NSMCE2: variants seen among roughly 807,000 people sequenced by gnomAD.
NSMCE2 encodes E3 SUMO-protein ligase NSE2.
Under a neutral mutation model 23.8 loss-of-function variants are expected in NSMCE2, and 24 were observed. The observed-to-expected ratio is 1.01, with a 90% confidence interval of 0.73 to 1.42. The LOEUF is 1.42. Ranked by LOEUF, NSMCE2 falls within the 40% of genes most tolerant of loss-of-function variation. The probability of loss-of-function intolerance (pLI) is 0.00; values close to 1 mark genes in which losing one functional copy is unlikely to be tolerated. For synonymous variants in NSMCE2, 92 were observed against 94.1 expected (o/e 0.98, Z 0.13); for missense variants, 284 against 296.5 (o/e 0.96, Z 0.31).
intron 5 of NSMCE2, among the ~76,000 whole-genome samples, chr8:125,199,922 A>G (rs1823791734): frequency 6.6e-6 from 1 of 152,134 alleles, no homozygotes; most frequent in Admixed American, 6.5e-5. Flanking sequence ...TCCCTTTACC[A>G]TTATGTAATG....
chr8:125,345,486 C>T (rs1287698319), intron 5 of NSMCE2, among the ~76,000 whole-genome samples: 1 of 152,198 alleles, frequency 6.6e-6, no homozygotes, highest in Non-Finnish European at 1.5e-5. Context: ...TTATGAAGTT[C>T]CTGTACATTG....
At chr8:125,179,492 G>A (rs762517442) in intron 4 of NSMCE2, among the ~76,000 whole-genome samples, 4 of 152,040 alleles carry the variant, frequency 2.6e-5, no homozygotes, top group South Asian at 2.1e-4. Flanking sequence ...AAAATAGTTA[G>A]TGCCCATTTG....
chr8:125,102,082 C>T lies in NSMCE2; in HGVS notation c.-79C>T. 2 of 394,982 alleles carry T rather than the reference C, an allele frequency of 5.1e-6. No individual in the cohort carries two copies. Among genetic ancestry groups the T allele is most frequent in the Non-Finnish European group, 9.3e-6 (2 of 215,676 alleles). The allele number at this position is 394,982 out of a possible 1,614,324, so 24.5% of individuals were successfully genotyped here. ...GCACTCTTTTGGAAGAGGGTAATCT[C>T]TCTCCAAAAACTGAGGACACTTACC... On this transcript the variant is annotated 5_prime_UTR_variant, in exon 2 of 8. Coordinates refer to ENST00000287437, the MANE Select transcript of NSMCE2 (RefSeq NM_173685.4).
chr8:125,119,149 A>G (rs1004888902), intron 3 of NSMCE2, among the ~76,000 whole-genome samples: 14 of 152,194 alleles, frequency 9.2e-5, no homozygotes, highest in Admixed American at 4.6e-4. Context: ...GCTGCTGTTC[A>G]CCTCATCTCA....
intron 5 of NSMCE2, among the ~76,000 whole-genome samples, chr8:125,327,552 G>A (rs1166442659): frequency 6.6e-6 from 1 of 151,854 alleles, no homozygotes; most frequent in Non-Finnish European, 1.5e-5. Flanking sequence ...TCTTTAATTT[G>A]AGCTAAAACA....
At chr8:125,196,089 C>A (rs1823601694) in intron 5 of NSMCE2, among the ~76,000 whole-genome samples, 1 of 151,646 alleles carries the variant, frequency 6.6e-6, no homozygotes, top group African/African-American at 2.4e-5. Context: ...CCGTGTTGGC[C>A]AGGCTCCTGG....
At chr8:125,119,900 T>C (rs1228279194) in intron 3 of NSMCE2, among the ~76,000 whole-genome samples, 1 of 152,104 alleles carries the variant, frequency 6.6e-6, no homozygotes, top group Non-Finnish European at 1.5e-5. Context: ...ATTATTTATA[T>C]ATGTAAAGCA....
At chr8:125,359,257 C>T (rs116687010) in intron 7 of NSMCE2, among the ~76,000 whole-genome samples, 4,128 of 137,740 alleles carry the variant, frequency 0.03, 191 homozygotes, top group African/African-American at 0.11. Flanking sequence ...CAGAGTGATA[C>T]TCTGTCTCCA....
chr8:125,170,617 A>G (rs1822150477), intron 4 of NSMCE2, among the ~76,000 whole-genome samples: 1 of 151,976 alleles, frequency 6.6e-6, no homozygotes, highest in Non-Finnish European at 1.5e-5. Flanking sequence ...CATGTTGGCC[A>G]GGCTGGTCTC....
intron 3 of NSMCE2, among the ~76,000 whole-genome samples, chr8:125,138,175 A>G (rs1002818065): frequency 6.6e-6 from 1 of 152,206 alleles, no homozygotes; most frequent in Non-Finnish European, 1.5e-5. Context: ...TAATATAGGA[A>G]GGGAGAGATC....
intron 5 of NSMCE2, among the ~76,000 whole-genome samples, chr8:125,189,762 T>C (rs992207145): frequency 1.3e-5 from 2 of 152,266 alleles, no homozygotes; most frequent in Non-Finnish European, 2.9e-5. Context: ...TGAAAATTCC[T>C]TAAAATGCTC....
At chr8:125,288,077 C>T (rs1827970112) in intron 5 of NSMCE2, among the ~76,000 whole-genome samples, 1 of 152,234 alleles carries the variant, frequency 6.6e-6, no homozygotes, top group Admixed American at 6.5e-5. Flanking sequence ...CCTCCTGCCT[C>T]AGCCTCCCAA....
At chr8:125,155,539 A>G (rs1170399138) in intron 4 of NSMCE2, among the ~76,000 whole-genome samples, 2 of 152,226 alleles carry the variant, frequency 1.3e-5, no homozygotes, top group Non-Finnish European at 2.9e-5. Flanking sequence ...GCCAGGAACT[A>G]TGCTTAGTAA....
chr8:125,161,974 G>C (rs1286930216), intron 4 of NSMCE2, among the ~76,000 whole-genome samples: 1 of 152,062 alleles, frequency 6.6e-6, no homozygotes, highest in Non-Finnish European at 1.5e-5. Flanking sequence ...TTCTTGGAGT[G>C]CTGTTGGTAC....
chr8:125,146,542 T>C (rs1032407007), intron 3 of NSMCE2, among the ~76,000 whole-genome samples: 1 of 152,118 alleles, frequency 6.6e-6, no homozygotes. Context: ...GTGGCACATA[T>C]ACACCATGGA....
chr8:125,246,434 C>T (rs147913679), intron 5 of NSMCE2, among the ~76,000 whole-genome samples: 12,308 of 152,026 alleles, frequency 0.081, 601 homozygotes, highest in African/African-American at 0.13. Context: ...CACCCGCCTC[C>T]TCCTCCCAAA....
In NSMCE2 at chr8:125,101,493, C is replaced by T. The variant is rs140623927; in HGVS notation, c.-110-558C>T. ...ATGTCTATCTGATTCCATGAAAATACCCCTTTTTCTGCTGCCATAGAGCCT... is the reference window on the plus strand; with the variant it reads ...ATGTCTATCTGATTCCATGAAAATATCCCTTTTTCTGCTGCCATAGAGCCT... On this transcript the variant is annotated intron_variant, in intron 1 of 7. Coordinates refer to ENST00000287437, the MANE Select transcript of NSMCE2 (RefSeq NM_173685.4). Among the ~76,000 whole-genome samples, 1,021 of 152,282 alleles carry T rather than the reference C, an allele frequency of 6.7e-3. 4 individuals carry two copies. The highest frequency in any genetic ancestry group is 0.011 in the Non-Finnish European group (776 of 68,018).
chr8:125,234,536 A>G (rs1040516982), intron 5 of NSMCE2, among the ~76,000 whole-genome samples: 3 of 152,206 alleles, frequency 2.0e-5, no homozygotes, highest in African/African-American at 7.2e-5. Flanking sequence ...CTTTATTATA[A>G]TAACTTAATA....
At chr8:125,216,206 TC>T (rs1208790240) in intron 5 of NSMCE2, among the ~76,000 whole-genome samples, 3 of 152,206 alleles carry the variant, frequency 2.0e-5, no homozygotes, top group Non-Finnish European at 2.9e-5. Flanking sequence ...ATTTTGTTGA[TC>T]CACTTATCTG....
Sources: gnomAD v4.1 joint callset for allele counts (sites outside exome capture counted in the v4.1 genomes callset) on GRCh38, gnomAD v4.1.1 for gene constraint, MANE v1.5 for transcripts, NCBI Gene and HGNC (gene_info 2026-07-23, HGNC 2026-07-21) for gene names.